The following ADGRV1 variants were observed in gnomAD, a reference collection of about 807,000 sequenced individuals.
The protein encoded by ADGRV1 is G-protein coupled receptor 98.
Under a neutral mutation model 596.2 loss-of-function variants are expected in ADGRV1, and 359 were observed. The ratio of observed to expected loss-of-function variants is 0.60; its 90% confidence interval spans 0.55 to 0.66. The LOEUF is 0.66. ADGRV1 is among the 30% of genes least tolerant of loss of function. The pLI, the probability that ADGRV1 is intolerant of heterozygous loss-of-function variation, is 0.00. For synonymous variants in ADGRV1, 2,681 were observed against 2,679.2 expected (o/e 1.00, Z -0.02); for missense variants, 7,274 against 7,575.6 (o/e 0.96, Z 1.48).
chr5:91,162,029 A>G (rs1190992373), intron 89 of ADGRV1, among the ~76,000 whole-genome samples: 2 of 152,232 alleles, frequency 1.3e-5, no homozygotes, highest in Non-Finnish European at 2.9e-5. Context: ...ATGAAAGCCA[A>G]AGCAGAGGGT....
At chr5:90,846,581 T>C (rs999331210) in intron 78 of ADGRV1, 4 of 156,454 alleles carry the variant, frequency 2.6e-5, no homozygotes, top group Admixed American at 6.5e-5. Flanking sequence ...TCGGATGTGT[T>C]CAGAGTTTCT....
intron 1 of ADGRV1, among the ~76,000 whole-genome samples, chr5:90,587,632 C>T (rs963601758): frequency 6.7e-6 from 1 of 149,642 alleles, no homozygotes; most frequent in Admixed American, 6.7e-5. Flanking sequence ...TCTTCGCTCA[C>T]TGCAACCTCT....
chr5:90,703,841 G>T (rs1748231293), intron 35 of ADGRV1, 46 bp downstream of exon 35: 3 of 1,447,720 alleles, frequency 2.1e-6, no homozygotes, highest in Non-Finnish European at 2.8e-6. Flanking sequence ...AGAAAGAATG[G>T]TGTATTTTGA....
chr5:90,824,380 A>G (rs1038741009), intron 76 of ADGRV1, among the ~76,000 whole-genome samples: 1 of 152,264 alleles, frequency 6.6e-6, no homozygotes, highest in Non-Finnish European at 1.5e-5. Context: ...TTGATCAGAA[A>G]GGATTTTAGA....
intron 86 of ADGRV1, among the ~76,000 whole-genome samples, chr5:91,088,720 T>G (rs1206526436): frequency 6.6e-6 from 1 of 152,084 alleles, no homozygotes; most frequent in African/African-American, 2.4e-5. Flanking sequence ...GCTAATAATA[T>G]CAGACACACC....
chr5:90,989,522 C>T (rs1316260269), intron 85 of ADGRV1, among the ~76,000 whole-genome samples: 1 of 152,192 alleles, frequency 6.6e-6, no homozygotes, highest in Non-Finnish European at 1.5e-5. Context: ...TTCATCTCTT[C>T]AGTTCAGCTT....
chr5:90,690,029 A>G lies in ADGRV1; in HGVS notation c.6659A>G (p.Glu2220Gly). 1.3e-6 allele frequency: 2 copies of G among 1,594,644 alleles called. No homozygotes were observed. Residue 2220 changes from glutamate (E) to glycine (G), a missense_variant, in exon 30 of 90, where the codon GAG becomes GGG. Transcript: ENST00000405460. ...GGAGCCAGACTAGGGGCTTTAACAG[A>G]GGCAGTCATTATTATTGAGGCCTCT... ...TGGARLGALT[E>G]AVIIIEASDD...
chr5:90,586,719 C>A (rs1350663575), intron 1 of ADGRV1, among the ~76,000 whole-genome samples: 1 of 152,226 alleles, frequency 6.6e-6, no homozygotes, highest in Non-Finnish European at 1.5e-5. Flanking sequence ...CTGGCTCTAT[C>A]ACTTTAGTGA....
intron 85 of ADGRV1, among the ~76,000 whole-genome samples, chr5:91,011,706 A>G (rs1782735774): frequency 6.6e-6 from 1 of 151,778 alleles, no homozygotes; most frequent in South Asian, 2.1e-4. Flanking sequence ...CATTGCCGGT[A>G]TTTTCCATTC....
intron 85 of ADGRV1, among the ~76,000 whole-genome samples, chr5:91,015,414 A>G (rs1298969428): frequency 1.3e-5 from 2 of 152,002 alleles, no homozygotes; most frequent in African/African-American, 4.8e-5. Context: ...TCCAACTTTG[A>G]GTTCAGGTCC....
rs751784190 is a variant in ADGRV1 at position 90,863,760 on chromosome 5, T to C, written c.17759T>C (p.Leu5920Pro). The change falls in exon 83 of 90, where the codon CTT (leucine) becomes CCT (proline). Residue 5920 changes from leucine (L) to proline (P), a missense_variant. Leu to Pro is a moderately conservative substitution (Grantham distance 98). Around this residue, in one of 5 missense-constraint regions of ADGRV1, gnomAD observed 1,874 missense variants for 1,970.2 expected, o/e 0.95. Coordinates refer to ENST00000405460, the MANE Select transcript of ADGRV1 (RefSeq NM_032119.4). Reference sequence around the variant, plus strand: ...GTGGACTTTTTTGTTCCTACAGGTCTTTGCTTGGCTGTTCTTTCCCATATC... The same window carrying C: ...GTGGACTTTTTTGTTCCTACAGGTCCTTGCTTGGCTGTTCTTTCCCATATC... ...FTSGFICISG[L>P]CLAVLSHIFC... The C allele has an allele frequency of 3.1e-6, 5 of 1,611,904 alleles. No homozygotes were observed. The South Asian group carries it at 5.5e-5, about 18-fold the overall frequency.
At chr5:90,759,006 T>C (rs1185648060) in intron 57 of ADGRV1, among the ~76,000 whole-genome samples, 1 of 152,198 alleles carries the variant, frequency 6.6e-6, no homozygotes, top group Non-Finnish European at 1.5e-5. Context: ...CATACTGCAT[T>C]TTATGTTTGT....
chr5:90,952,872 T>A (rs191431081), intron 83 of ADGRV1, among the ~76,000 whole-genome samples: 1 of 152,308 alleles, frequency 6.6e-6, no homozygotes, highest in East Asian at 1.9e-4. Context: ...ACATGTTTTT[T>A]TAAGATAACC....
intron 85 of ADGRV1, among the ~76,000 whole-genome samples, chr5:91,068,732 GC>G (rs1223920451): frequency 6.6e-6 from 1 of 151,830 alleles, no homozygotes; most frequent in Admixed American, 6.6e-5. Flanking sequence ...CAGAGTCAAT[GC>G]TATTCCTATC....
At chr5:90,745,500 T>G (rs1435364515) in intron 51 of ADGRV1, 91 bp from the exon 52 acceptor site, 1 of 920,466 alleles carries the variant, frequency 1.1e-6, no homozygotes, top group Admixed American at 2.7e-5. Context: ...CTTCCAAACC[T>G]TTAATATCAA....
At position 90,694,681 on chromosome 5, in the gene ADGRV1, A is replaced by G; in HGVS notation, c.7925A>G (p.Glu2642Gly). The G allele has an allele frequency of 6.3e-7, 1 of 1,592,690 alleles. No individual in the cohort carries two copies. Among genetic ancestry groups the G allele is most frequent in the South Asian group, 1.1e-5 (1 of 87,082 alleles). ...TEGLDFIGAG[E>G]ILTFAEGETK... The stretch of plus-strand genomic sequence containing the variant: ...GGTTTAGATTTTATAGGTGCTGGAG[A>G]GATTCTGACCTTTGCTGAAGGTGAG... Residue 2642 changes from glutamate to glycine, a missense_variant, in exon 33 of 90, where the codon GAG (glutamate) becomes GGG (glycine). Glu to Gly is a moderately conservative substitution (Grantham distance 98). Transcript: ENST00000405460.
At chr5:90,966,312 C>T (rs1342516981) in intron 84 of ADGRV1, among the ~76,000 whole-genome samples, 3 of 151,932 alleles carry the variant, frequency 2.0e-5, no homozygotes, top group African/African-American at 7.3e-5. Flanking sequence ...AGGCGGATCA[C>T]CTGAGGTCAG....
intron 87 of ADGRV1, among the ~76,000 whole-genome samples, chr5:91,103,150 T>C (rs762435810): frequency 1.3e-5 from 2 of 152,180 alleles, no homozygotes; most frequent in Non-Finnish European, 2.9e-5. Context: ...CTCCAGTCAT[T>C]TTTTAGGTTT....
intron 38 of ADGRV1, among the ~76,000 whole-genome samples, chr5:90,707,895 A>G (rs1187138627): frequency 6.6e-6 from 1 of 151,920 alleles, no homozygotes; most frequent in African/African-American, 2.4e-5. Context: ...AGTGGTAGGG[A>G]GGAAGTATTG....
Sources: gnomAD v4.1 joint callset for allele counts (sites outside exome capture counted in the v4.1 genomes callset) on GRCh38, gnomAD v4.1.1 for gene constraint, gnomAD v4.1.1 regional missense constraint, MANE v1.5 for transcripts, NCBI Gene and HGNC (gene_info 2026-07-23, HGNC 2026-07-21) for gene names.